Variants in EIPR1 observed in about 807,000 individuals in gnomAD.
EIPR1 encodes EARP complex and GARP complex interacting protein 1.
EIPR1 carries 25 observed loss-of-function variants against 48.1 expected under a neutral mutation model. The observed-to-expected ratio is 0.52, with a 90% CI of 0.38 to 0.73. The LOEUF (loss-of-function observed/expected upper bound fraction) is 0.73. Among genes scored for constraint, EIPR1 ranks in the 30% least tolerant of loss-of-function variants. The pLI is 0.00. For synonymous variants in EIPR1, 204 were observed against 201.9 expected (o/e 1.01, Z -0.09); for missense variants, 415 against 506.2 (o/e 0.82, Z 1.73).
At chr2:3,369,270 A>G (rs1366121884) in intron 1 of EIPR1, among the ~76,000 whole-genome samples, 2 of 152,240 alleles carry the variant, frequency 1.3e-5, no homozygotes, top group Admixed American at 6.5e-5. Flanking sequence ...ATGGCCGACT[A>G]GGAACAGCTC....
intron 3 of EIPR1, among the ~76,000 whole-genome samples, chr2:3,277,526 C>T (rs991325655): frequency 2.0e-5 from 3 of 152,224 alleles, no homozygotes; most frequent in Admixed American, 6.5e-5. Flanking sequence ...GTGGCCTTCA[C>T]CTACGTGCTT....
At chr2:3,295,828 T>C (rs1572408446) in intron 3 of EIPR1, among the ~76,000 whole-genome samples, 1 of 77,232 alleles carries the variant, frequency 1.3e-5, no homozygotes, top group Non-Finnish European at 2.5e-5. Context: ...CAGCCCATCC[T>C]CTCCCTGCAC....
At chr2:3,251,896 G>C (rs1667009997) in intron 4 of EIPR1, among the ~76,000 whole-genome samples, 1 of 152,176 alleles carries the variant, frequency 6.6e-6, no homozygotes, top group East Asian at 1.9e-4. Flanking sequence ...GGTGATCCCA[G>C]TGTTTCTGGA....
At chr2:3,351,312 C>T (rs532207704) in intron 2 of EIPR1, among the ~76,000 whole-genome samples, 1 of 152,294 alleles carries the variant, frequency 6.6e-6, no homozygotes, top group Admixed American at 6.5e-5. Flanking sequence ...CTTCTTATTT[C>T]TTCTATTTTG....
chr2:3,377,547 T>C, intron 1 of EIPR1, 101 bp downstream of exon 1: 1 of 1,446,208 alleles, frequency 6.9e-7, no homozygotes, highest in South Asian at 1.3e-5. Flanking sequence ...CACGGGTCCT[T>C]GCAGGGCTGG....
intron 4 of EIPR1, among the ~76,000 whole-genome samples, chr2:3,248,056 G>A (rs1666891091): frequency 6.6e-6 from 1 of 152,020 alleles, no homozygotes; most frequent in African/African-American, 2.4e-5. Context: ...GGGAGGTATT[G>A]GGGCATGGGG....
chr2:3,297,135 C>A (rs1309223044), intron 3 of EIPR1, among the ~76,000 whole-genome samples: 1 of 152,178 alleles, frequency 6.6e-6, no homozygotes, highest in East Asian at 1.9e-4. Context: ...GCATTTGGGA[C>A]AGTGTGGCAC....
intron 4 of EIPR1, among the ~76,000 whole-genome samples, chr2:3,254,683 G>T (rs1572360056): frequency 6.6e-6 from 1 of 152,356 alleles, no homozygotes; most frequent in East Asian, 1.9e-4. Flanking sequence ...GATTCGGGGT[G>T]GCCAGGGGCT....
chr2:3,346,858 G>A (rs959033933), intron 2 of EIPR1, among the ~76,000 whole-genome samples: 3 of 152,188 alleles, frequency 2.0e-5, no homozygotes, highest in Non-Finnish European at 2.9e-5. Flanking sequence ...AACACTTGCA[G>A]GAATGTCACC....
chr2:3,242,962 T>C (rs1264152273), intron 4 of EIPR1, among the ~76,000 whole-genome samples: 1 of 152,138 alleles, frequency 6.6e-6, no homozygotes, highest in Admixed American at 6.5e-5. Flanking sequence ...TTTGATCAAA[T>C]CTGCAGATGT....
chr2:3,263,124 G>A (rs539891738), intron 3 of EIPR1, among the ~76,000 whole-genome samples: 3 of 152,344 alleles, frequency 2.0e-5, no homozygotes, highest in South Asian at 2.1e-4. Flanking sequence ...ATTGGCAGGC[G>A]CTGTCAGACG....
intron 3 of EIPR1, among the ~76,000 whole-genome samples, chr2:3,311,157 T>C (rs902298978): frequency 6.6e-5 from 10 of 152,186 alleles, no homozygotes; most frequent in Non-Finnish European, 1.5e-4. Context: ...AGGCCTAGTA[T>C]GTGCACAGGT....
At chr2:3,377,387 T>A in intron 1 of EIPR1, 1 of 413,126 alleles carries the variant, frequency 2.4e-6, no homozygotes. Flanking sequence ...CCAAAGTGAG[T>A]GATAACTTCC....
At chr2:3,308,093 C>T (rs1276806973) in intron 3 of EIPR1, among the ~76,000 whole-genome samples, 2 of 152,162 alleles carry the variant, frequency 1.3e-5, no homozygotes, top group East Asian at 1.9e-4. Flanking sequence ...TGTGTGGCCA[C>T]GGAGGCCTCA....
intron 3 of EIPR1, among the ~76,000 whole-genome samples, chr2:3,307,483 T>G (rs1048602255): frequency 6.6e-6 from 1 of 152,226 alleles, no homozygotes; most frequent in African/African-American, 2.4e-5. Flanking sequence ...CTATGGAGAC[T>G]GTCTCTGTGC....
chr2:3,299,229 C>G (rs1455320135), intron 3 of EIPR1, among the ~76,000 whole-genome samples: 1 of 152,196 alleles, frequency 6.6e-6, no homozygotes, highest in Non-Finnish European at 1.5e-5. Flanking sequence ...GCGTGAGCCT[C>G]CATGGACTGC....
At chr2:3,235,865 A>AC (rs2103175833) in intron 4 of EIPR1, among the ~76,000 whole-genome samples, 1 of 152,286 alleles carries the variant, frequency 6.6e-6, no homozygotes, top group African/African-American at 2.4e-5. Context: ...CCAAATTAGC[A>AC]CCCATCACCT....
chr2:3,325,127 A>C (rs1038966178), intron 3 of EIPR1, among the ~76,000 whole-genome samples: 9 of 152,168 alleles, frequency 5.9e-5, no homozygotes, highest in Non-Finnish European at 1.2e-4. Flanking sequence ...CAGAGCTACA[A>C]CTGGGCCCAA....
At chr2:3,292,344 T>C (rs1440605484) in intron 3 of EIPR1, among the ~76,000 whole-genome samples, 2 of 152,180 alleles carry the variant, frequency 1.3e-5, no homozygotes, top group Non-Finnish European at 1.5e-5. Context: ...CCCCAGATAC[T>C]TCCCCCATGC....
Sources: allele counts gnomAD v4.1 joint callset (sites outside exome capture counted in the v4.1 genomes callset), GRCh38; gene constraint gnomAD v4.1.1; transcripts MANE v1.5; gene names NCBI Gene and HGNC (gene_info 2026-07-23, HGNC 2026-07-21).